Variants in RAP1GDS1 observed in about 807,000 individuals in gnomAD.
RAP1GDS1 encodes Rap1 GTPase-GDP dissociation stimulator 1, also known as RAP1, GTP-GDP dissociation stimulator 1.
In RAP1GDS1, 35 loss-of-function variants were observed where a neutral mutation model predicts 71.1. That is an observed-to-expected ratio of 0.49 (90% CI 0.38 to 0.65). RAP1GDS1 has a LOEUF of 0.65. Among genes scored for constraint, RAP1GDS1 ranks in the 30% least tolerant of loss-of-function variants. The pLI is 0.00. For missense variants in RAP1GDS1, 663 were observed against 706.1 expected (o/e 0.94, Z 0.69); for synonymous variants, 229 against 243.1 (o/e 0.94, Z 0.54).
intron 2 of RAP1GDS1, among the ~76,000 whole-genome samples, chr4:98,300,511 T>A (rs1242222225): frequency 1.3e-5 from 2 of 152,024 alleles, no homozygotes; most frequent in Non-Finnish European, 2.9e-5. Flanking sequence ...ATGATTCTCC[T>A]GCCTCAGCCT....
chr4:98,331,489 C>T (rs1018966393), intron 2 of RAP1GDS1, among the ~76,000 whole-genome samples: 10 of 150,556 alleles, frequency 6.6e-5, no homozygotes, highest in Non-Finnish European at 1.0e-4. Context: ...AGTTTATTAT[C>T]AACAATTGAC....
intron 2 of RAP1GDS1, among the ~76,000 whole-genome samples, chr4:98,317,812 C>CTATA (rs535958236): frequency 2.3e-5 from 3 of 129,546 alleles, no homozygotes; most frequent in Admixed American, 8.9e-5. Context: ...TGATATTTGA[C>CTATA]TATATATATA....
At chr4:98,282,141 A>G (rs1396370989) in intron 1 of RAP1GDS1, among the ~76,000 whole-genome samples, 3 of 152,164 alleles carry the variant, frequency 2.0e-5, no homozygotes, top group African/African-American at 7.2e-5. Flanking sequence ...GTTAGGGAGG[A>G]TTCCCTCTTT....
intron 2 of RAP1GDS1, among the ~76,000 whole-genome samples, chr4:98,331,361 A>G (rs868769624): frequency 2.8e-5 from 4 of 142,564 alleles, no homozygotes; most frequent in Middle Eastern, 3.4e-3. Flanking sequence ...AGAGGGAGAG[A>G]GAGAGGGAGA....
At chr4:98,344,033 G>A (rs77513208) in intron 3 of RAP1GDS1, among the ~76,000 whole-genome samples, 9,315 of 152,116 alleles carry the variant, frequency 0.061, 414 homozygotes, top group Non-Finnish European at 0.092. Context: ...AGGAATTTGC[G>A]TAATCATCAT....
intron 1 of RAP1GDS1, among the ~76,000 whole-genome samples, chr4:98,262,149 C>CT (rs1184497946): frequency 6.6e-6 from 1 of 152,250 alleles, no homozygotes. Flanking sequence ...GAAAGGATGA[C>CT]TTGTCAGAGG....
At chr4:98,315,230 TGTG>T (rs1481947997) in intron 2 of RAP1GDS1, among the ~76,000 whole-genome samples, 1 of 152,182 alleles carries the variant, frequency 6.6e-6, no homozygotes, top group Non-Finnish European at 1.5e-5. Context: ...CACATTGAAT[TGTG>T]GTAATTTATT....
At chr4:98,331,361 AGAGAGG>A (rs1168531141) in intron 2 of RAP1GDS1, among the ~76,000 whole-genome samples, 2 of 142,624 alleles carry the variant, frequency 1.4e-5, no homozygotes, top group Non-Finnish European at 3.0e-5. Context: ...AGAGGGAGAG[AGAGAGG>A]GAGAGGGAGA....
chr4:98,272,276 A>T (rs1560751447), intron 1 of RAP1GDS1, among the ~76,000 whole-genome samples: 2 of 152,134 alleles, frequency 1.3e-5, no homozygotes, highest in African/African-American at 4.8e-5. Context: ...AAATCAACAC[A>T]TTTTTGCCAA....
chr4:98,287,028 C>T (rs1726152676), intron 1 of RAP1GDS1, among the ~76,000 whole-genome samples: 1 of 149,804 alleles, frequency 6.7e-6, no homozygotes, highest in African/African-American at 2.5e-5. Flanking sequence ...AAAAATATTT[C>T]TTAATCAAGA....
At chr4:98,308,952 A>G (rs1317405704) in intron 2 of RAP1GDS1, among the ~76,000 whole-genome samples, 2 of 152,146 alleles carry the variant, frequency 1.3e-5, no homozygotes, top group Non-Finnish European at 2.9e-5. Flanking sequence ...ACAAGGTCGT[A>G]TTATATCAGC....
chr4:98,436,900 T>C, intron 13 of RAP1GDS1, 40 bp from the exon 14 acceptor site: 8 of 1,518,232 alleles, frequency 5.3e-6, no homozygotes, highest in Non-Finnish European at 7.0e-6. Flanking sequence ...CTGAGGATAC[T>C]GGGTTCGTAC....
chr4:98,316,596 A>G (rs1280910783), intron 2 of RAP1GDS1, among the ~76,000 whole-genome samples: 2 of 152,142 alleles, frequency 1.3e-5, no homozygotes, highest in Non-Finnish European at 2.9e-5. Flanking sequence ...TGTGGTACTA[A>G]TGATGAGAAT....
At chr4:98,381,553 G>A (rs1052559859) in intron 5 of RAP1GDS1, among the ~76,000 whole-genome samples, 2 of 151,450 alleles carry the variant, frequency 1.3e-5, no homozygotes, top group East Asian at 3.9e-4. Flanking sequence ...TTGATCATGT[G>A]TACCTAGATA....
chr4:98,391,044 C>G (rs888812219), intron 5 of RAP1GDS1, among the ~76,000 whole-genome samples: 5 of 152,050 alleles, frequency 3.3e-5, no homozygotes, highest in African/African-American at 1.2e-4. Context: ...CAGTTATGGA[C>G]AGTTATAGTG....
chr4:98,438,414 G>A lies in RAP1GDS1; in HGVS notation c.1696+1346G>A, dbSNP rs151184285. On this transcript the variant is annotated intron_variant, in intron 14 of 14. Coordinates refer to ENST00000408927, the MANE Select transcript of RAP1GDS1 (RefSeq NM_001100427.2). ...TGTCATTTTCTAATCTACTCTACCAGTCCCTTTTGTGTATTTAGACCATTT... is the reference window on the plus strand; with the variant it reads ...TGTCATTTTCTAATCTACTCTACCAATCCCTTTTGTGTATTTAGACCATTT... Among the ~76,000 whole-genome samples, 1,290 of 151,128 alleles carry A rather than the reference G, an allele frequency of 8.5e-3. 20 individuals are homozygous for A. Among genetic ancestry groups the A allele is most frequent in the African/African-American group, 0.03 (1,227 of 41,172 alleles).
At chr4:98,333,271 C>T (rs768652943) in intron 2 of RAP1GDS1, among the ~76,000 whole-genome samples, 2 of 151,902 alleles carry the variant, frequency 1.3e-5, no homozygotes, top group Non-Finnish European at 2.9e-5. Context: ...TCATCGAAAA[C>T]ACATTTTTGT....
chr4:98,306,383 A>G (rs1454689684), intron 2 of RAP1GDS1, among the ~76,000 whole-genome samples: 1 of 152,174 alleles, frequency 6.6e-6, no homozygotes, highest in African/African-American at 2.4e-5. Flanking sequence ...CAGAAGGTGG[A>G]AGGGAAGGAG....
At chr4:98,351,187 C>A (rs570108741) in intron 3 of RAP1GDS1, among the ~76,000 whole-genome samples, 1 of 151,994 alleles carries the variant, frequency 6.6e-6, no homozygotes, top group Non-Finnish European at 1.5e-5. Flanking sequence ...AGTTTGATAA[C>A]GTCAATGATA....
Sources: gnomAD v4.1 joint callset for allele counts (sites outside exome capture counted in the v4.1 genomes callset) on GRCh38, gnomAD v4.1.1 for gene constraint, MANE v1.5 for transcripts, NCBI Gene and HGNC (gene_info 2026-07-23, HGNC 2026-07-21) for gene names.